Variants in PAK5 observed in about 807,000 individuals in gnomAD.
The protein encoded by PAK5 is p21 (RAC1) activated kinase 5.
In PAK5, 16 loss-of-function variants were observed where a neutral mutation model predicts 65.9. The ratio of observed to expected loss-of-function variants is 0.24; its 90% CI spans 0.16 to 0.37. The LOEUF (loss-of-function observed/expected upper bound fraction) is 0.37, where lower values mean the gene tolerates loss of function less well. Ranked by LOEUF, PAK5 falls within the 10% of genes least tolerant of loss-of-function variation. The pLI, the probability that PAK5 is intolerant of heterozygous loss-of-function variation, is 1.00. For synonymous variants in PAK5, 371 were observed against 354.9 expected, an observed-to-expected ratio of 1.05 and a Z score of -0.51; for missense variants, 785 against 903.9, an observed-to-expected ratio of 0.87 and a Z score of 1.69.
chr20:9,603,835 A>C (rs892659985), intron 3 of PAK5, among the ~76,000 whole-genome samples: 21 of 152,184 alleles, frequency 1.4e-4, no homozygotes, highest in African/African-American at 4.8e-4. Context: ...GTCTTGAGCC[A>C]GGAGGTAGAA....
chr20:9,758,903 G>T (rs563890247), intron 1 of PAK5, among the ~76,000 whole-genome samples: 1 of 152,102 alleles, frequency 6.6e-6, no homozygotes, highest in Non-Finnish European at 1.5e-5. Context: ...AGGCAGCAAA[G>T]TTTTTACCAA....
intron 3 of PAK5, among the ~76,000 whole-genome samples, chr20:9,583,912 T>C (rs2046024047): frequency 6.6e-6 from 1 of 152,238 alleles, no homozygotes; most frequent in Admixed American, 6.5e-5. Context: ...TCACTGAGCA[T>C]AATATAGTCA....
At position 9,651,550 on chromosome 20, in the gene PAK5, G is replaced by A. The variant is rs928072805; in HGVS notation, c.-11-7211C>T. On this transcript the variant is annotated intron_variant, in intron 2 of 9. Transcript: ENST00000353224. ...TTTTAAGGTTAATGACATGGATGGT[G>A]GTGATGGTCACACGAAAGTGTGAAT... 8.3e-4 allele frequency among the ~76,000 whole-genome samples: 126 copies of A among 152,306 alleles called. 1 individual carries two copies. The highest frequency in any genetic ancestry group is 3.0e-3 in the African/African-American group (125 of 41,558).
At chr20:9,758,911 C>G (rs1370555468) in intron 1 of PAK5, among the ~76,000 whole-genome samples, 1 of 152,012 alleles carries the variant, frequency 6.6e-6, no homozygotes, top group Admixed American at 6.6e-5. Context: ...AAGTTTTTAC[C>G]AACAAAACAG....
chr20:9,601,920 G>A (rs1022582447), intron 3 of PAK5, among the ~76,000 whole-genome samples: 2 of 152,156 alleles, frequency 1.3e-5, no homozygotes, highest in Non-Finnish European at 2.9e-5. Flanking sequence ...TAAGACCCAT[G>A]AGCAAGAAAA....
At chr20:9,709,393 T>A (rs897999678) in intron 2 of PAK5, among the ~76,000 whole-genome samples, 10 of 152,192 alleles carry the variant, frequency 6.6e-5, no homozygotes, top group African/African-American at 2.4e-4. Context: ...CTGTGAAAAG[T>A]CTAAAACCCC....
At chr20:9,699,753 A>G (rs1005991236) in intron 2 of PAK5, among the ~76,000 whole-genome samples, 10 of 152,074 alleles carry the variant, frequency 6.6e-5, no homozygotes, top group Non-Finnish European at 1.3e-4. Context: ...TGGAAAAAAA[A>G]GTGAAATATC....
In PAK5 at chr20:9,566,279, A is replaced by G. The variant is rs2045678468; in HGVS notation, c.1096T>C (p.Tyr366His). Residue 366 changes from tyrosine to histidine, a missense_variant, in exon 5 of 10, where the codon TAT (tyrosine) becomes CAT (histidine). Around this residue, in one of 4 missense-constraint regions of PAK5, gnomAD observed 422 missense variants for 413.3 expected, o/e 1.02. Coordinates refer to ENST00000353224, the MANE Select transcript of PAK5 (RefSeq NM_177990.4). The part of the protein sequence containing the change: ...KLPQSQSKSG[Y>H]SSSSHQYPSG... ...GGGTACTGGTGACTGCTTGAGGAAT[A>G]GCCCGATTTGCTTTGACTTTGAGGT... The G allele has an allele frequency of 6.2e-7, 1 of 1,613,704 alleles. No individual in the cohort carries two copies. Among genetic ancestry groups the G allele is most frequent in the Non-Finnish European group, 8.5e-7 (1 of 1,179,964 alleles).
At chr20:9,603,153 GAAAATGGCCAAATGGCCTA>G (rs995616951) in intron 3 of PAK5, among the ~76,000 whole-genome samples, 11 of 152,356 alleles carry the variant, frequency 7.2e-5, no homozygotes, top group African/African-American at 2.6e-4. Flanking sequence ...CTCCGGTGTA[GAAAATGGCCAAATGGCCTA>G]CAAGCTACCT....
intron 3 of PAK5, among the ~76,000 whole-genome samples, chr20:9,614,367 G>T (rs1022741213): frequency 1.3e-5 from 2 of 152,156 alleles, no homozygotes; most frequent in Admixed American, 6.5e-5. Flanking sequence ...ATTAGAAAAG[G>T]TATATGTTTA....
chr20:9,551,449 G>A (rs1186225387), intron 7 of PAK5, among the ~76,000 whole-genome samples: 1 of 152,164 alleles, frequency 6.6e-6, no homozygotes, highest in East Asian at 1.9e-4. Flanking sequence ...ATTTAAACAT[G>A]AGATCCTATC....
In PAK5 at chr20:9,567,441, T is replaced by TAA. The variant is rs2045701657; in HGVS notation, c.991-1059_991-1058dup. ...ACAAGCTACACGTGCCTATTTAAAA[T>TAA]AAACAAAAATAGATTAAAAATTAAA... On this transcript the variant is annotated intron_variant, in intron 4 of 9. Transcript: ENST00000353224. 2.6e-5 allele frequency among the ~76,000 whole-genome samples: 4 copies of TAA among 152,290 alleles called. No homozygotes were observed. In the South Asian group the frequency reaches 8.3e-4, roughly 32 times the overall value.
intron 2 of PAK5, among the ~76,000 whole-genome samples, chr20:9,689,242 C>T (rs764618075): frequency 6.6e-5 from 10 of 152,284 alleles, no homozygotes; most frequent in African/African-American, 9.6e-5. Context: ...TGCCACTTCT[C>T]AGTTCTCAAA....
chr20:9,739,921 C>T (rs751969800), intron 1 of PAK5, among the ~76,000 whole-genome samples: 19 of 152,118 alleles, frequency 1.2e-4, no homozygotes, highest in Non-Finnish European at 2.2e-4. Context: ...AAACACAGGT[C>T]GTCACTGAAG....
rs555592859 is a variant in PAK5, at chr20:9,827,980, C to T, written c.-162+10782G>A. ...CCAAGTAGCTGGGATCACAGGCGTG[C>T]GCCACCATGCCCAGCTAATGTTTTT... On this transcript the variant is annotated intron_variant, in intron 1 of 9. Coordinates refer to ENST00000353224, the MANE Select transcript of PAK5 (RefSeq NM_177990.4). Among the ~76,000 whole-genome samples, 8 of 152,198 alleles carry T rather than the reference C, an allele frequency of 5.3e-5. No individual in the cohort carries two copies. In the East Asian group the frequency reaches 9.7e-4, roughly 18 times the overall value.
chr20:9,713,528 A>G (rs1002642511), intron 1 of PAK5, among the ~76,000 whole-genome samples: 12 of 152,270 alleles, frequency 7.9e-5, no homozygotes, highest in African/African-American at 2.2e-4. Flanking sequence ...TATCAACAGA[A>G]AGGAAATCAA....
intron 1 of PAK5, among the ~76,000 whole-genome samples, chr20:9,829,989 C>CT (rs1305068137): frequency 2.0e-5 from 3 of 152,138 alleles, no homozygotes; most frequent in Admixed American, 2.0e-4. Context: ...CACCAACAGT[C>CT]TTTTTTCAAC....
rs893328301 is a variant in PAK5 at position 9,564,883 on chromosome 20, T to G, written c.1482+1010A>C. Among the ~76,000 whole-genome samples the G allele has an allele frequency of 1.4e-4, 22 of 152,020 alleles. 1 individual carries two copies. The highest frequency in any genetic ancestry group is 5.3e-4 in the African/African-American group (22 of 41,558). ...GCTAATAGAATACGTTAATATATTT[T>G]ATTTTACATTAATAAAAATAAGTAA... On this transcript the variant is annotated intron_variant, in intron 5 of 9. Transcript: ENST00000353224.
intron 2 of PAK5, among the ~76,000 whole-genome samples, chr20:9,651,272 A>G (rs375678840): frequency 2.0e-5 from 3 of 152,198 alleles, no homozygotes; most frequent in African/African-American, 7.2e-5. Flanking sequence ...AAGACATGAA[A>G]AGTGGCTTAG....
Sources: gnomAD v4.1 joint callset for allele counts (sites outside exome capture counted in the v4.1 genomes callset) on GRCh38, gnomAD v4.1.1 for gene constraint, gnomAD v4.1.1 regional missense constraint, MANE v1.5 for transcripts, NCBI Gene and HGNC (gene_info 2026-07-23, HGNC 2026-07-21) for gene names.